Variants in GRM7 observed in about 807,000 individuals in gnomAD.
GRM7 encodes the protein metabotropic glutamate receptor 7.
A neutral mutation model predicts 84.5 loss-of-function variants in GRM7; 35 were observed. That is an observed-to-expected ratio of 0.41 (90% CI 0.32 to 0.55). The LOEUF is 0.55. Ranked by LOEUF, GRM7 falls within the 20% of genes least tolerant of loss-of-function variation. The pLI, the probability that GRM7 is intolerant of heterozygous loss-of-function variation, is 0.19. For missense variants in GRM7, 1,003 were observed against 1,194.6 expected (o/e 0.84, Z 2.36); for synonymous variants, 487 against 455.1 (o/e 1.07, Z -0.89).
In GRM7 at chr3:7,088,166, C is replaced by T. The variant is rs146128117; in HGVS notation, c.520-58286C>T. ...GTTGTTAACTAATGCCTATTCCAGCCGTCTAAGCTTCAGTACCTTTTCTCC... is the reference window on the plus strand; with the variant it reads ...GTTGTTAACTAATGCCTATTCCAGCTGTCTAAGCTTCAGTACCTTTTCTCC... On this transcript the variant is annotated intron_variant, in intron 1 of 9. Coordinates refer to ENST00000357716, the MANE Select transcript of GRM7 (RefSeq NM_000844.4). 4.1e-3 allele frequency among the ~76,000 whole-genome samples: 632 copies of T among 152,290 alleles called. 2 individuals are homozygous for T. Among genetic ancestry groups the T allele is most frequent in the African/African-American group, 0.014 (588 of 41,564 alleles).
At chr3:7,548,401 C>T (rs1018008713) in intron 7 of GRM7, among the ~76,000 whole-genome samples, 1 of 152,204 alleles carries the variant, frequency 6.6e-6, no homozygotes, top group Non-Finnish European at 1.5e-5. Context: ...GGTGCTAGTG[C>T]CCTGCTTCTG....
intron 4 of GRM7, among the ~76,000 whole-genome samples, chr3:7,327,789 C>T (rs1011733046): frequency 6.6e-6 from 1 of 152,178 alleles, no homozygotes; most frequent in African/African-American, 2.4e-5. Flanking sequence ...TTAACAAATC[C>T]TTCAGGTGAT....
chr3:7,126,730 TC>T (rs1331087422), intron 1 of GRM7, among the ~76,000 whole-genome samples: 1 of 152,184 alleles, frequency 6.6e-6, no homozygotes, highest in African/African-American at 2.4e-5. Context: ...GGTTGCCCCC[TC>T]CTCTCTGCTT....
intron 8 of GRM7, among the ~76,000 whole-genome samples, chr3:7,662,112 T>TGTCA (rs1205759237): frequency 6.6e-6 from 1 of 152,188 alleles, no homozygotes; most frequent in Non-Finnish European, 1.5e-5. Context: ...TATGGTTGAA[T>TGTCA]GTCAGAATAA....
At chr3:6,990,535 G>A (rs2124853870) in intron 1 of GRM7, among the ~76,000 whole-genome samples, 1 of 152,276 alleles carries the variant, frequency 6.6e-6, no homozygotes, top group Non-Finnish European at 1.5e-5. Context: ...CTCCATGGAG[G>A]GAGAGGGTTT....
At chr3:7,287,583 C>G (rs939211186) in intron 2 of GRM7, among the ~76,000 whole-genome samples, 6 of 152,174 alleles carry the variant, frequency 3.9e-5, no homozygotes, top group South Asian at 2.1e-4. Flanking sequence ...ATATTTCACT[C>G]CTGAGTAAGA....
chr3:7,705,866 T>C (rs1187236809), intron 9 of GRM7, among the ~76,000 whole-genome samples: 1 of 152,122 alleles, frequency 6.6e-6, no homozygotes, highest in African/African-American at 2.4e-5. Flanking sequence ...TCACAGAAGG[T>C]AAGAAGATAA....
At chr3:7,264,250 G>C (rs976117094) in intron 2 of GRM7, among the ~76,000 whole-genome samples, 2 of 152,166 alleles carry the variant, frequency 1.3e-5, no homozygotes, top group Non-Finnish European at 2.9e-5. Context: ...ACTTTCTCTA[G>C]GGTTAAAGTC....
intron 1 of GRM7, among the ~76,000 whole-genome samples, chr3:6,908,247 A>G (rs1696648346): frequency 6.6e-6 from 1 of 152,166 alleles, no homozygotes; most frequent in South Asian, 2.1e-4. Flanking sequence ...TTGAGCCTTT[A>G]TTTTGTTTCC....
intron 2 of GRM7, among the ~76,000 whole-genome samples, chr3:7,254,446 G>T (rs1698124794): frequency 6.6e-6 from 1 of 152,198 alleles, no homozygotes; most frequent in Non-Finnish European, 1.5e-5. Context: ...ATTTGTTAAA[G>T]AATGTTCAGC....
intron 4 of GRM7, among the ~76,000 whole-genome samples, chr3:7,402,001 T>C (rs712767): frequency 0.59 from 89,597 of 151,948 alleles, 26,863 homozygotes; most frequent in African/African-American, 0.69. Context: ...TAGATTGGAA[T>C]CAGGTACTTG....
chr3:6,980,823 A>C (rs1435006247), intron 1 of GRM7, among the ~76,000 whole-genome samples: 2 of 152,230 alleles, frequency 1.3e-5, no homozygotes, highest in East Asian at 3.8e-4. Context: ...GAAGATGACA[A>C]AAGATGGACA....
chr3:7,646,323 T>C (rs1341140345), intron 8 of GRM7, among the ~76,000 whole-genome samples: 1 of 151,982 alleles, frequency 6.6e-6, no homozygotes, highest in Non-Finnish European at 1.5e-5. Context: ...TCCTGAGTAG[T>C]TGGGATTACA....
chr3:7,088,917 A>G (rs1340619511), intron 1 of GRM7, among the ~76,000 whole-genome samples: 1 of 152,034 alleles, frequency 6.6e-6, no homozygotes, highest in Non-Finnish European at 1.5e-5. Context: ...GAGGGTATAC[A>G]TACAGCTGTC....
At chr3:6,868,103 G>A (rs1392721933) in intron 1 of GRM7, among the ~76,000 whole-genome samples, 3 of 152,158 alleles carry the variant, frequency 2.0e-5, no homozygotes, top group Non-Finnish European at 4.4e-5. Context: ...CGTGCTAAAA[G>A]TACTTCATTT....
At chr3:7,003,135 CAGTT>C (rs1157047735) in intron 1 of GRM7, among the ~76,000 whole-genome samples, 2 of 152,098 alleles carry the variant, frequency 1.3e-5, no homozygotes, top group Non-Finnish European at 2.9e-5. Context: ...AAAGAGTACT[CAGTT>C]AGACTAAAGG....
chr3:7,407,016 G>T (rs952668847), intron 4 of GRM7, among the ~76,000 whole-genome samples: 1 of 152,192 alleles, frequency 6.6e-6, no homozygotes, highest in African/African-American at 2.4e-5. Flanking sequence ...AAAGGCAAGA[G>T]ATTAGAAAGG....
At chr3:7,216,266 C>CT (rs1405204076) in intron 2 of GRM7, among the ~76,000 whole-genome samples, 1 of 152,110 alleles carries the variant, frequency 6.6e-6, no homozygotes, top group Non-Finnish European at 1.5e-5. Flanking sequence ...TGTCTCGTGT[C>CT]TTTGCTACAT....
intron 1 of GRM7, among the ~76,000 whole-genome samples, chr3:6,960,432 G>A (rs1198114140): frequency 1.3e-5 from 2 of 151,962 alleles, no homozygotes; most frequent in Non-Finnish European, 2.9e-5. Context: ...CACTTCCTAT[G>A]CTTCTGACAC....
Sources: allele counts gnomAD v4.1 joint callset (sites outside exome capture counted in the v4.1 genomes callset), GRCh38; gene constraint gnomAD v4.1.1; transcripts MANE v1.5; gene names NCBI Gene and HGNC (gene_info 2026-07-23, HGNC 2026-07-21).